The following AUTS2 variants were observed in gnomAD, a reference collection of about 807,000 sequenced individuals.
AUTS2 encodes activator of transcription and developmental regulator AUTS2.
AUTS2 carries 17 observed loss-of-function variants against 112.4 expected under a neutral mutation model. The observed-to-expected ratio is 0.15, with a 90% CI of 0.10 to 0.23. The LOEUF (loss-of-function observed/expected upper bound fraction) is 0.23. Among genes scored for constraint, AUTS2 ranks in the 10% least tolerant of loss-of-function variants. The pLI is 1.00. For synonymous variants in AUTS2, 751 were observed against 702.7 expected (o/e 1.07, Z -1.09); for missense variants, 1,510 against 1,701.6 (o/e 0.89, Z 1.98).
intron 4 of AUTS2, among the ~76,000 whole-genome samples, chr7:70,303,828 T>A (rs554773718): frequency 1.3e-5 from 2 of 152,312 alleles, no homozygotes; most frequent in African/African-American, 4.8e-5. Context: ...AAAAACATAG[T>A]TTTTTTCTCA....
intron 1 of AUTS2, among the ~76,000 whole-genome samples, chr7:69,741,783 C>T (rs1787276280): frequency 6.6e-6 from 1 of 150,842 alleles, no homozygotes; most frequent in African/African-American, 2.4e-5. Context: ...ACTGCCACCC[C>T]AACCTAAATC....
At position 70,601,759 on chromosome 7, in the gene AUTS2, GA is replaced by G. The variant is rs11310125; in HGVS notation, c.691-96809del. 8.0e-3 allele frequency among the ~76,000 whole-genome samples: 1,220 copies of G among 152,158 alleles called. 18 individuals are homozygous for G. The highest frequency in any genetic ancestry group is 0.028 in the African/African-American group (1,152 of 41,500). ...TGGGTTACACACACCTGTAAGAGGG[GA>G]TCTCAGGAGCCCAAGATTTCTTTCA... On this transcript the variant is annotated intron_variant, in intron 5 of 18. Coordinates refer to ENST00000342771, the MANE Select transcript of AUTS2 (RefSeq NM_015570.4).
Position 70,387,843 on chromosome 7 carries a change from C to T in AUTS2, c.661-47909C>T, listed in dbSNP as rs79359322. Among the ~76,000 whole-genome samples, 326 of 152,308 alleles carry T rather than the reference C, an allele frequency of 2.1e-3. 3 individuals carry two copies. In the East Asian group the frequency reaches 0.032, roughly 15 times the overall value. On this transcript the variant is annotated intron_variant, in intron 4 of 18. Transcript: ENST00000342771. The stretch of plus-strand genomic sequence containing the variant: ...TTGGACTATCACCAGACCATTCGAT[C>T]TCTGCTCATTCCATCTTCTACGTTA...
At chr7:70,690,824 G>A (rs1254796710) in intron 5 of AUTS2, among the ~76,000 whole-genome samples, 1 of 152,102 alleles carries the variant, frequency 6.6e-6, no homozygotes, top group Admixed American at 6.5e-5. Context: ...AGTTGGGCGT[G>A]GTGGTACACA....
At chr7:70,347,362 C>T (rs1277721926) in intron 4 of AUTS2, among the ~76,000 whole-genome samples, 1 of 152,134 alleles carries the variant, frequency 6.6e-6, no homozygotes, top group African/African-American at 2.4e-5. Context: ...TTCCATTAGA[C>T]TATAATTTCC....
chr7:70,031,049 G>C (rs1379651665), intron 2 of AUTS2, among the ~76,000 whole-genome samples: 1 of 151,916 alleles, frequency 6.6e-6, no homozygotes, highest in Admixed American at 6.6e-5. Context: ...AGAAAGAAAG[G>C]GAGGGAGGGA....
chr7:70,110,651 A>T (rs1805025543), intron 2 of AUTS2, among the ~76,000 whole-genome samples: 1 of 152,190 alleles, frequency 6.6e-6, no homozygotes, highest in Non-Finnish European at 1.5e-5. Flanking sequence ...TTATTTTCTA[A>T]GCTAATAGCA....
chr7:70,164,050 A>G (rs1320441378), intron 4 of AUTS2, among the ~76,000 whole-genome samples: 2 of 152,204 alleles, frequency 1.3e-5, no homozygotes, highest in Non-Finnish European at 2.9e-5. Flanking sequence ...TGCAGGTCCT[A>G]CTTAGGTCCT....
At chr7:70,767,984 G>A in intron 9 of AUTS2, 40 bp from the exon 10 acceptor site, 2 of 1,604,532 alleles carry the variant, frequency 1.2e-6, no homozygotes, top group Non-Finnish European at 1.7e-6. Context: ...GAACAAAAAT[G>A]CAGATTAAGT....
At chr7:70,348,354 A>G (rs1331947506) in intron 4 of AUTS2, among the ~76,000 whole-genome samples, 1 of 152,220 alleles carries the variant, frequency 6.6e-6, no homozygotes, top group African/African-American at 2.4e-5. Flanking sequence ...ATTATTGTCA[A>G]TTAAGAAAAA....
At chr7:69,661,787 C>G (rs1035922455) in intron 1 of AUTS2, among the ~76,000 whole-genome samples, 1 of 152,148 alleles carries the variant, frequency 6.6e-6, no homozygotes, top group Non-Finnish European at 1.5e-5. Context: ...TGCAGTGTTG[C>G]ATGTGTATTT....
intron 2 of AUTS2, among the ~76,000 whole-genome samples, chr7:69,910,275 C>T (rs934210842): frequency 6.6e-6 from 1 of 152,212 alleles, no homozygotes; most frequent in African/African-American, 2.4e-5. Context: ...TACCTTCTCT[C>T]TGAGTATTGC....
chr7:69,848,460 G>A lies in AUTS2; in HGVS notation c.310-50826G>A, dbSNP rs192343172. ...AATTAAATGTTTGTTCTCTTTAAAG[G>A]GTTTTGACTAAACAAGGGTGTGTGC... is the stretch of plus-strand genomic sequence containing the variant. On this transcript the variant is annotated intron_variant, in intron 1 of 18. Transcript: ENST00000342771. Among the ~76,000 whole-genome samples the A allele has an allele frequency of 3.4e-4, 52 of 152,238 alleles. No individual in the cohort carries two copies. The East Asian group carries it at 5.8e-3, about 17-fold the overall frequency.
intron 2 of AUTS2, among the ~76,000 whole-genome samples, chr7:69,961,936 G>A (rs1262956562): frequency 6.6e-6 from 1 of 152,112 alleles, no homozygotes; most frequent in Non-Finnish European, 1.5e-5. Context: ...CTCTGTGAAG[G>A]TGATTGGTTC....
chr7:70,662,219 C>G (rs1305899406), intron 5 of AUTS2, among the ~76,000 whole-genome samples: 1 of 152,260 alleles, frequency 6.6e-6, no homozygotes, highest in Non-Finnish European at 1.5e-5. Context: ...TGCACAGTGG[C>G]AGCGTGCTTT....
intron 5 of AUTS2, among the ~76,000 whole-genome samples, chr7:70,582,776 T>A (rs1487402686): frequency 6.6e-6 from 1 of 152,224 alleles, no homozygotes; most frequent in East Asian, 1.9e-4. Context: ...AGCCCTTTTC[T>A]TGCAAATAAG....
chr7:70,471,114 G>T (rs945241025), intron 5 of AUTS2, among the ~76,000 whole-genome samples: 2 of 152,152 alleles, frequency 1.3e-5, no homozygotes, highest in African/African-American at 4.8e-5. Flanking sequence ...CTATTTCACC[G>T]CACAAAGGCT....
intron 4 of AUTS2, among the ~76,000 whole-genome samples, chr7:70,263,459 C>T (rs976410951): frequency 1.3e-5 from 2 of 152,158 alleles, no homozygotes; most frequent in African/African-American, 4.8e-5. Context: ...TTTACATAAA[C>T]TTAATCTTTT....
At chr7:70,486,897 T>C (rs796797058) in intron 5 of AUTS2, among the ~76,000 whole-genome samples, 19 of 100,478 alleles carry the variant, frequency 1.9e-4, no homozygotes, top group African/African-American at 5.3e-4. Flanking sequence ...GTTTTTGTAT[T>C]CCCCCCCCCC....
Sources: allele counts gnomAD v4.1 joint callset (sites outside exome capture counted in the v4.1 genomes callset), GRCh38; gene constraint gnomAD v4.1.1; transcripts MANE v1.5; gene names NCBI Gene and HGNC (gene_info 2026-07-23, HGNC 2026-07-21).